The following SSH1 variants were observed in gnomAD, a reference collection of about 807,000 sequenced individuals.
SSH1 encodes the protein protein phosphatase Slingshot homolog 1.
Under a neutral mutation model 79.7 loss-of-function variants are expected in SSH1, and 43 were observed. The ratio of observed to expected loss-of-function variants is 0.54; its 90% CI spans 0.42 to 0.70. The LOEUF (loss-of-function observed/expected upper bound fraction) is 0.70. SSH1 is among the 30% of genes least tolerant of loss of function. The pLI is 0.00. For missense variants in SSH1, 1,206 were observed against 1,358.8 expected (o/e 0.89, Z 1.77); for synonymous variants, 599 against 538.3 (o/e 1.11, Z -1.56).
chr12:108,839,769 T>G (rs1327867199), intron 2 of SSH1, among the ~76,000 whole-genome samples: 2 of 152,226 alleles, frequency 1.3e-5, no homozygotes, highest in Non-Finnish European at 1.5e-5. Flanking sequence ...TCAGAGGAAC[T>G]TGCAGGAAAA....
intron 7 of SSH1, among the ~76,000 whole-genome samples, chr12:108,809,182 C>T (rs866427793): frequency 2.0e-5 from 3 of 147,348 alleles, no homozygotes; most frequent in Middle Eastern, 6.9e-3. Flanking sequence ...GGTACGGTGG[C>T]TCACGCCTGG....
intron 2 of SSH1, among the ~76,000 whole-genome samples, chr12:108,850,368 C>A (rs1330984609): frequency 5.8e-5 from 1 of 17,196 alleles, no homozygotes; most frequent in Non-Finnish European, 1.1e-4. Flanking sequence ...AGGAGGAGAT[C>A]TGGGAGAGGG....
At chr12:108,832,592 G>C (rs568029286) in intron 2 of SSH1, among the ~76,000 whole-genome samples, 3 of 152,186 alleles carry the variant, frequency 2.0e-5, no homozygotes, top group African/African-American at 7.2e-5. Flanking sequence ...AAGATGTAAA[G>C]GAGATCGAAA....
intron 5 of SSH1, among the ~76,000 whole-genome samples, chr12:108,815,752 C>T (rs565281540): frequency 1.1e-4 from 17 of 152,194 alleles, no homozygotes; most frequent in Admixed American, 2.6e-4. Flanking sequence ...CCAACCACCC[C>T]AAGGCCACAG....
At chr12:108,848,074 T>C (rs114858396) in intron 2 of SSH1, among the ~76,000 whole-genome samples, 4,464 of 150,770 alleles carry the variant, frequency 0.03, 159 homozygotes, top group African/African-American at 0.084. Flanking sequence ...GAGGGGAGGG[T>C]GGAAAGGCCA....
At chr12:108,809,958 G>A (rs1200768114) in intron 6 of SSH1, among the ~76,000 whole-genome samples, 200 bp from the exon 7 acceptor site, 1 of 152,092 alleles carries the variant, frequency 6.6e-6, no homozygotes, top group Non-Finnish European at 1.5e-5. Flanking sequence ...CAGATGAGGA[G>A]GGCTTGTTTT....
At chr12:108,833,875 T>C (rs1159933439) in intron 2 of SSH1, 1 of 152,270 alleles carries the variant, frequency 6.6e-6, no homozygotes. Flanking sequence ...CTCCGGAAGC[T>C]TTTGGCCTGG....
chr12:108,810,745 G>A (rs559780968), intron 6 of SSH1, among the ~76,000 whole-genome samples: 4 of 152,310 alleles, frequency 2.6e-5, no homozygotes, highest in South Asian at 4.1e-4. Context: ...GAGTGAACGC[G>A]TGCGGACGCT....
chr12:108,816,000 C>T (rs991593399), intron 5 of SSH1, among the ~76,000 whole-genome samples: 1 of 152,228 alleles, frequency 6.6e-6, no homozygotes, highest in Non-Finnish European at 1.5e-5. Context: ...TGACTGGTTT[C>T]TGCTGTTGAT....
intron 2 of SSH1, among the ~76,000 whole-genome samples, chr12:108,840,080 CA>C (rs2038739012): frequency 1.3e-5 from 2 of 152,206 alleles, no homozygotes; most frequent in Non-Finnish European, 2.9e-5. Context: ...ATTTATGCGG[CA>C]GTCTCTTGTA....
intron 2 of SSH1, chr12:108,836,948 T>C (rs375018176): frequency 1.2e-4 from 62 of 529,716 alleles, no homozygotes; most frequent in Non-Finnish European, 2.1e-4. Flanking sequence ...GTCCAGGTCA[T>C]GGTCGACCGC....
chr12:108,852,840 G>C (rs2039071598), intron 1 of SSH1, 162 bp from the exon 2 acceptor site: 1 of 985,420 alleles, frequency 1.0e-6, no homozygotes, highest in Non-Finnish European at 1.2e-6. Flanking sequence ...ATCCCGGTCT[G>C]TCCCTTGGAG....
chr12:108,795,133 G>A (rs994612316), intron 13 of SSH1, among the ~76,000 whole-genome samples: 1 of 152,210 alleles, frequency 6.6e-6, no homozygotes, highest in Non-Finnish European at 1.5e-5. Context: ...TCTCCCAGGT[G>A]TGCATCCTTA....
intron 2 of SSH1, among the ~76,000 whole-genome samples, chr12:108,836,038 A>AATATAATCGATTATAACT (rs2038619128): frequency 7.2e-6 from 1 of 138,254 alleles, no homozygotes; most frequent in African/African-American, 2.6e-5. Flanking sequence ...CGATTATATT[A>AATATAATCGATTATAACT]ATATTAATAT....
chr12:108,802,255 C>G (rs1282859929), intron 11 of SSH1, 67 bp downstream of exon 11: 16 of 1,492,576 alleles, frequency 1.1e-5, no homozygotes, highest in Non-Finnish European at 1.5e-5. Context: ...GTCTCCCCCT[C>G]CATGGCAGAG....
intron 3 of SSH1, among the ~76,000 whole-genome samples, chr12:108,819,901 C>CT (rs2038051824): frequency 1.3e-5 from 2 of 152,284 alleles, no homozygotes; most frequent in South Asian, 4.1e-4. Flanking sequence ...GTGTTTGTTC[C>CT]TTTTGCAAAA....
chr12:108,809,006 G>A (rs1057238431), intron 7 of SSH1, among the ~76,000 whole-genome samples: 1 of 151,242 alleles, frequency 6.6e-6, no homozygotes, highest in Non-Finnish European at 1.5e-5. Context: ...GCTATTTTTT[G>A]TATTTTTAGT....
chr12:108,804,342 T>C, intron 10 of SSH1, among the ~76,000 whole-genome samples: 1 of 152,224 alleles, frequency 6.6e-6, no homozygotes, highest in African/African-American at 2.4e-5. Flanking sequence ...CCGGCCCTGG[T>C]GGGCCCTGAT....
chr12:108,854,038 G>A (rs1158881218), intron 1 of SSH1, among the ~76,000 whole-genome samples: 1 of 152,076 alleles, frequency 6.6e-6, no homozygotes, highest in Non-Finnish European at 1.5e-5. Flanking sequence ...GAAGTGGAAA[G>A]AGCAGGGAAG....
Sources: allele counts gnomAD v4.1 joint callset (sites outside exome capture counted in the v4.1 genomes callset), GRCh38; gene constraint gnomAD v4.1.1; transcripts MANE v1.5; gene names NCBI Gene and HGNC (gene_info 2026-07-23, HGNC 2026-07-21).